INTS10: variants seen among roughly 807,000 people sequenced by gnomAD.
The protein encoded by INTS10 is integrator complex subunit 10.
INTS10 carries 44 observed loss-of-function variants against 94.4 expected under a neutral mutation model. That is an observed-to-expected ratio of 0.47 (90% CI 0.37 to 0.60). The LOEUF (loss-of-function observed/expected upper bound fraction) is 0.60. Among genes scored for constraint, INTS10 ranks in the 20% least tolerant of loss-of-function variants. INTS10 has a pLI of 0.00. For missense variants in INTS10, 797 were observed against 868.7 expected, an observed-to-expected ratio of 0.92 and a Z score of 1.04; for synonymous variants, 341 against 320.7, an observed-to-expected ratio of 1.06 and a Z score of -0.68.
rs900602400 is a variant in INTS10 at position 19,843,933 on chromosome 8, G to A, written c.1720-143G>A. Reference sequence around the variant, plus strand: ...TGTGATGTTTACCAGCCATTTCGTTGTGCCTTTGTTTCCTTCTTACTCTAA... The same window carrying A: ...TGTGATGTTTACCAGCCATTTCGTTATGCCTTTGTTTCCTTCTTACTCTAA... On this transcript the variant is annotated intron_variant, in intron 14 of 16. Coordinates refer to ENST00000397977, the MANE Select transcript of INTS10 (RefSeq NM_018142.4). This position sits in a 1 kb window ranked among gnomAD's most constrained non-coding sequence, Gnocchi z 4.7. The A allele has an allele frequency of 3.4e-6, 2 of 588,224 alleles. No homozygotes were observed. Among genetic ancestry groups the A allele is most frequent in the African/African-American group, 1.9e-5 (1 of 53,720 alleles). The allele number at this position is 588,224 out of a possible 1,614,324, so 36.4% of individuals were successfully genotyped here.
chr8:19,838,161 G>T (rs1411492950), intron 13 of INTS10, among the ~76,000 whole-genome samples: 1 of 152,126 alleles, frequency 6.6e-6, no homozygotes, highest in Non-Finnish European at 1.5e-5. Context: ...TTCGAGACCA[G>T]TGTGGGCAAC....
In INTS10 at chr8:19,851,205, G is replaced by C. The variant is rs1484758726; in HGVS notation, c.1977-444G>C. On this transcript the variant is annotated intron_variant, in intron 16 of 16. Transcript: ENST00000397977. This position sits in a 1 kb window ranked among gnomAD's most constrained non-coding sequence, Gnocchi z 5.0. Reference sequence around the variant, plus strand: ...CGGGGGCCATGGTGGGAGCTCACTTGGGTGATTGGCTCATTCAGGTCTCCT... The same window carrying C: ...CGGGGGCCATGGTGGGAGCTCACTTCGGTGATTGGCTCATTCAGGTCTCCT... 6.6e-6 allele frequency among the ~76,000 whole-genome samples: 1 copy of C among 152,178 alleles called. No homozygotes were observed. The highest frequency in any genetic ancestry group is 1.5e-5 in the Non-Finnish European group (1 of 68,026).
chr8:19,830,189 C>T (rs568497467), intron 9 of INTS10, among the ~76,000 whole-genome samples: 1 of 151,972 alleles, frequency 6.6e-6, no homozygotes, highest in Non-Finnish European at 1.5e-5. Context: ...AAAAAAAATT[C>T]ACTCAATTTT....
intron 16 of INTS10, among the ~76,000 whole-genome samples, chr8:19,847,380 A>T (rs576844575): frequency 6.6e-6 from 1 of 152,338 alleles, no homozygotes; most frequent in South Asian, 2.1e-4. Flanking sequence ...TGTTGTTCAA[A>T]ATATTCTTAA....
At position 19,851,909 on chromosome 8, in the gene INTS10, C is replaced by T; in HGVS notation, c.*104C>T. ...AGAGCCGTGGTCATTGTTGCTGTTACAAAGAAGAAAACCATCTGAGTTCTA... is the reference window on the plus strand; with the variant it reads ...AGAGCCGTGGTCATTGTTGCTGTTATAAAGAAGAAAACCATCTGAGTTCTA... On this transcript the variant is annotated 3_prime_UTR_variant, in exon 17 of 17. Transcript: ENST00000397977. The surrounding 1 kb of genome is among the most constrained non-coding windows in gnomAD (Gnocchi z 5.0). 1 of 1,033,004 alleles carries T rather than the reference C, an allele frequency of 9.7e-7. No homozygotes were observed. The highest frequency in any genetic ancestry group is 1.4e-6 in the Non-Finnish European group (1 of 705,190). 64.0% of individuals were successfully genotyped at this position (1,033,004 alleles called of 1,614,324 possible). A position where few individuals can be genotyped will look rare whatever the true frequency, so the allele number is the denominator to read the frequency against.
intron 9 of INTS10, among the ~76,000 whole-genome samples, chr8:19,827,260 C>T (rs577947764): frequency 6.6e-6 from 1 of 152,176 alleles, no homozygotes; most frequent in African/African-American, 2.4e-5. Flanking sequence ...GGTTACAGTG[C>T]TTTTCCCTTG....
intron 15 of INTS10, among the ~76,000 whole-genome samples, chr8:19,844,665 C>A (rs1422847363): frequency 1.3e-5 from 2 of 152,184 alleles, no homozygotes; most frequent in African/African-American, 4.8e-5. Context: ...CCTGCCATAG[C>A]TGTCTTACCT....
chr8:19,845,149 T>C (rs1371928996), intron 15 of INTS10, among the ~76,000 whole-genome samples: 1 of 152,194 alleles, frequency 6.6e-6, no homozygotes, highest in Admixed American at 6.5e-5. Context: ...GAAAAATGCA[T>C]ACATGAATGT....
At position 19,826,834 on chromosome 8, in the gene INTS10, AG is replaced by A. The variant is rs561181824; in HGVS notation, c.1140+277del. Among the ~76,000 whole-genome samples, 1,281 of 152,260 alleles carry A rather than the reference AG, an allele frequency of 8.4e-3. 9 individuals are homozygous for A. The highest frequency in any genetic ancestry group is 0.018 in the South Asian group (88 of 4,824). ...TTTACAGTGTACAGGACCACCCAAA[AG>A]GTCAGTGATGAGGTGGAGAACCCAT... On this transcript the variant is annotated intron_variant, in intron 9 of 16. Transcript: ENST00000397977.
chr8:19,833,585 T>G (rs2067413357), intron 12 of INTS10, among the ~76,000 whole-genome samples: 1 of 152,170 alleles, frequency 6.6e-6, no homozygotes, highest in Admixed American at 6.6e-5. Flanking sequence ...TTTCTTTTTA[T>G]TATTATTTTT....
At chr8:19,847,275 T>A (rs1021905212) in intron 16 of INTS10, among the ~76,000 whole-genome samples, 20 of 152,210 alleles carry the variant, frequency 1.3e-4, no homozygotes, top group Admixed American at 2.0e-4. Context: ...CCTTTCTGCA[T>A]TGGTTTGCTT....
At chr8:19,827,359 C>T (rs1563367158) in intron 9 of INTS10, among the ~76,000 whole-genome samples, 1 of 152,196 alleles carries the variant, frequency 6.6e-6, no homozygotes, top group Non-Finnish European at 1.5e-5. Context: ...TCTGAAGTAG[C>T]TGTCTGGTTC....
chr8:19,845,619 T>C (rs1241323628), intron 15 of INTS10, 85 bp from the exon 16 acceptor site: 5 of 897,436 alleles, frequency 5.6e-6, no homozygotes, highest in Non-Finnish European at 9.3e-6. Flanking sequence ...AATGGGCAAG[T>C]TACTCAACTG....
chr8:19,823,800 C>G (rs1450270833), intron 6 of INTS10, 73 bp from the exon 7 acceptor site: 8 of 1,332,458 alleles, frequency 6.0e-6, no homozygotes, highest in African/African-American at 1.5e-5. Context: ...GGGAGTCAGA[C>G]TTTCTTTATC....
chr8:19,827,098 A>C (rs2066857937), intron 9 of INTS10, among the ~76,000 whole-genome samples: 2 of 152,152 alleles, frequency 1.3e-5, no homozygotes, highest in Non-Finnish European at 2.9e-5. Flanking sequence ...GTCAGTTGGA[A>C]TTGGGAGGTA....
chr8:19,826,111 G>C (rs2410613), intron 8 of INTS10, among the ~76,000 whole-genome samples: 72,033 of 151,590 alleles, frequency 0.48, 17,279 homozygotes, highest in Non-Finnish European at 0.52. Context: ...TTTAAGTCTC[G>C]CTCTGTCGCC....
intron 6 of INTS10, 58 bp from the exon 7 acceptor site, chr8:19,823,815 A>G (rs1001214865): frequency 1.5e-5 from 20 of 1,372,420 alleles, no homozygotes; most frequent in African/African-American, 2.9e-5. Flanking sequence ...TTTATCAGGT[A>G]CCATGTCAAC....
chr8:19,830,905 C>G (rs2128775355), intron 10 of INTS10, among the ~76,000 whole-genome samples: 1 of 152,238 alleles, frequency 6.6e-6, no homozygotes, highest in South Asian at 2.1e-4. Flanking sequence ...AACTCCTGAC[C>G]ACGTGATCCG....
chr8:19,835,768 A>G (rs929592129), intron 12 of INTS10, among the ~76,000 whole-genome samples: 1 of 152,204 alleles, frequency 6.6e-6, no homozygotes, highest in Non-Finnish European at 1.5e-5. Context: ...AGAGGTGCCA[A>G]TATATGGATC....
Sources: gnomAD v4.1 joint callset for allele counts (sites outside exome capture counted in the v4.1 genomes callset) on GRCh38, gnomAD v4.1.1 for gene constraint, Gnocchi (gnomAD v3.1) non-coding constraint, MANE v1.5 for transcripts, NCBI Gene and HGNC (gene_info 2026-07-23, HGNC 2026-07-21) for gene names.